CACTIN: variants seen among roughly 807,000 people sequenced by gnomAD.
CACTIN encodes the protein splicing factor Cactin.
A neutral mutation model predicts 84.9 loss-of-function variants in CACTIN; 20 were observed. That is an observed-to-expected ratio of 0.24 (90% CI 0.17 to 0.34). The LOEUF is 0.34. Among genes scored for constraint, CACTIN ranks in the 10% least tolerant of loss-of-function variants. The pLI, the probability that CACTIN is intolerant of heterozygous loss-of-function variation, is 1.00. For missense variants in CACTIN, 897 were observed against 1,117.2 expected (o/e 0.80, Z 2.81); for synonymous variants, 549 against 467.9 (o/e 1.17, Z -2.24).
chr19:3,620,514 G>A, intron 3 of CACTIN, 193 bp downstream of exon 3: 1 of 663,148 alleles, frequency 1.5e-6, no homozygotes. Flanking sequence ...GGGAGTGAAG[G>A]CCCGAGGCCA....
intron 2 of CACTIN, among the ~76,000 whole-genome samples, chr19:3,622,371 A>G (rs1007931740): frequency 3.3e-5 from 5 of 151,380 alleles, no homozygotes; most frequent in Non-Finnish European, 5.9e-5. Flanking sequence ...CTCAAAAAAA[A>G]AAAAAAAAAA....
Position 3,611,616 on chromosome 19 carries a change from C to T in CACTIN, c.*307G>A, listed in dbSNP as rs1161613826. 5.2e-5 allele frequency: 22 copies of T among 425,838 alleles called. No individual in the cohort carries two copies. Among genetic ancestry groups the T allele is most frequent in the Middle Eastern group, 5.0e-4 (1 of 2,000 alleles). 26.4% of individuals were successfully genotyped at this position (425,838 alleles called of 1,614,324 possible). ...GGGCGGTGGAGAGTGTCCGCCTGGA[C>T]GGTGAGGTCAGCTGGCGGCTGCTGG... On this transcript the variant is annotated 3_prime_UTR_variant, in exon 10 of 10. Coordinates refer to ENST00000429344, the MANE Select transcript of CACTIN (RefSeq NM_001080543.2).
intron 7 of CACTIN, chr19:3,614,024 G>A (rs1021381775): frequency 2.6e-5 from 12 of 461,348 alleles, no homozygotes; most frequent in Admixed American, 6.9e-5. Context: ...CTGGGAGGGC[G>A]CAGGCCTGGG....
rs1337517192 is a variant in CACTIN at position 3,611,784 on chromosome 19, C to A, written c.*139G>T. The A allele has an allele frequency of 1.8e-6, 2 of 1,124,932 alleles. No homozygotes were observed. The highest frequency in any genetic ancestry group is 3.1e-5 in the African/African-American group (2 of 65,138). 69.7% of individuals were successfully genotyped at this position (1,124,932 alleles called of 1,614,324 possible). On this transcript the variant is annotated 3_prime_UTR_variant, in exon 10 of 10. Transcript: ENST00000429344. ...TATATAGGAGGAAACTGAGGCCTGG[C>A]GAAAGAAAGATGCGGCCTGAGGTGG...
intron 6 of CACTIN, chr19:3,614,970 G>A: frequency 2.9e-6 from 1 of 350,598 alleles, no homozygotes; most frequent in Non-Finnish European, 5.5e-6. Context: ...CTGGCCTTGG[G>A]CAGTCCATGA....
intron 2 of CACTIN, among the ~76,000 whole-genome samples, chr19:3,623,414 A>C (rs1469023295): frequency 1.3e-5 from 2 of 151,062 alleles, no homozygotes; most frequent in Non-Finnish European, 3.0e-5. Context: ...CTGTAGCCCC[A>C]GCTACTCAGG....
intron 2 of CACTIN, 99 bp from the exon 3 acceptor site, chr19:3,620,901 CAGAG>C: frequency 1.1e-6 from 1 of 927,900 alleles, no homozygotes; most frequent in African/African-American, 1.6e-5. Flanking sequence ...CCTTGTTTTG[CAGAG>C]AGAGGTGACC....
At chr19:3,620,506 G>C in intron 3 of CACTIN, 1 of 669,360 alleles carries the variant, frequency 1.5e-6, no homozygotes, top group Non-Finnish European at 2.6e-6. Flanking sequence ...GAGCATGTGG[G>C]AGTGAAGGCC....
chr19:3,620,502 G>T, intron 3 of CACTIN: 1 of 675,922 alleles, frequency 1.5e-6, no homozygotes, highest in Non-Finnish European at 2.6e-6. Flanking sequence ...AAGGGAGCAT[G>T]TGGGAGTGAA....
intron 7 of CACTIN, 178 bp from the exon 8 acceptor site, chr19:3,613,764 G>C (rs116923729): frequency 0.01 from 7,898 of 774,296 alleles, 49 homozygotes; most frequent in Non-Finnish European, 0.013. Flanking sequence ...TTATGGGAGA[G>C]AGGACGAGAG....
At position 3,626,721 on chromosome 19, in the gene CACTIN, G is replaced by T; in HGVS notation, c.42C>A (p.Arg14=). Residue 14 remains arginine, a synonymous_variant, in exon 1 of 10, where the codon CGC becomes CGA. Coordinates refer to ENST00000429344, the MANE Select transcript of CACTIN (RefSeq NM_001080543.2). ...TCTGACTCTGCCGCCTTCGGCCCCG[G>T]CGACCCGCGGACCGCGAGCGCGAGC... ...DTRSRSRSAG[R]RGRRRQSQSG... 6.7e-7 allele frequency: 1 copy of T among 1,495,964 alleles called. No homozygotes were observed. Among genetic ancestry groups the T allele is most frequent in the Non-Finnish European group, 8.9e-7 (1 of 1,129,198 alleles). The allele number at this position is 1,495,964 out of a possible 1,614,324, so 92.7% of individuals were successfully genotyped here.
Position 3,624,012 on chromosome 19 carries a change from T to C in CACTIN, c.318A>G (p.Ala106=), listed in dbSNP as rs2033282550. 1 of 1,605,642 alleles carries C rather than the reference T, an allele frequency of 6.2e-7. No homozygotes were observed. The highest frequency in any genetic ancestry group is 8.5e-7 in the Non-Finnish European group (1 of 1,179,498). ...RGQWARRRRR[A]RSWSPSSSAS... ...CTGAGGAGCTAGGAGACCACGAGCGTGCGCGCCGTCGCCGGCGAGCCCACT... is the reference window on the plus strand; with the variant it reads ...CTGAGGAGCTAGGAGACCACGAGCGCGCGCGCCGTCGCCGGCGAGCCCACT... The change falls in exon 2 of 10, where the codon GCA becomes GCG. Residue 106 remains alanine, a synonymous_variant. Coordinates refer to ENST00000429344, the MANE Select transcript of CACTIN (RefSeq NM_001080543.2).
chr19:3,620,370 G>C (rs1195836955), intron 3 of CACTIN, 98 bp from the exon 4 acceptor site: 38 of 1,344,122 alleles, frequency 2.8e-5, no homozygotes, highest in Middle Eastern at 1.9e-4. Flanking sequence ...TCACCCAGCT[G>C]CCCTGGGCAC....
rs1325454093 is a variant in CACTIN, at chr19:3,624,018, C to T, written c.312G>A (p.Arg104=). The T allele has an allele frequency of 3.1e-6, 5 of 1,605,516 alleles. No homozygotes were observed. Among genetic ancestry groups the T allele is most frequent in the Non-Finnish European group, 4.2e-6 (5 of 1,179,560 alleles). ...QSRGQWARRR[R]RARSWSPSSS... is the part of the protein sequence containing the mutation. Reference sequence around the variant, plus strand: ...AGCTAGGAGACCACGAGCGTGCGCGCCGTCGCCGGCGAGCCCACTGGCCCC... The same window carrying T: ...AGCTAGGAGACCACGAGCGTGCGCGTCGTCGCCGGCGAGCCCACTGGCCCC... Residue 104 remains arginine (R), a synonymous_variant, in exon 2 of 10, where the codon CGG becomes CGA. Coordinates refer to ENST00000429344, the MANE Select transcript of CACTIN (RefSeq NM_001080543.2).
rs184595900 is a variant in CACTIN, at chr19:3,619,334, C to T, written c.885-92G>A. Reference sequence around the variant, plus strand: ...TTGGGGTGACCACACCAGTGGGAGCCGAGGAGGGGCCTGACCCGTTGGGGG... The same window carrying T: ...TTGGGGTGACCACACCAGTGGGAGCTGAGGAGGGGCCTGACCCGTTGGGGG... On this transcript the variant is annotated intron_variant, in intron 4 of 9. Coordinates refer to ENST00000429344, the MANE Select transcript of CACTIN (RefSeq NM_001080543.2). The T allele has an allele frequency of 7.8e-4, 1,130 of 1,453,128 alleles. 11 individuals are homozygous for T. The African/African-American group carries it at 0.014, about 18-fold the overall frequency. The allele number at this position is 1,453,128 out of a possible 1,614,324, so 90.0% of individuals were successfully genotyped here. A position where few individuals can be genotyped will look rare whatever the true frequency, so the allele number is the denominator to read the frequency against.
intron 2 of CACTIN, among the ~76,000 whole-genome samples, chr19:3,623,399 G>T (rs1337353404): frequency 1.3e-5 from 2 of 151,430 alleles, no homozygotes; most frequent in Non-Finnish European, 2.9e-5. Flanking sequence ...CGTGGTAGCG[G>T]GCGCCTGTAG....
chr19:3,614,215 C>G (rs570120585), intron 7 of CACTIN, among the ~76,000 whole-genome samples, 182 bp downstream of exon 7: 1 of 141,844 alleles, frequency 7.1e-6, no homozygotes, highest in African/African-American at 2.9e-5. Context: ...CACGGGACTA[C>G]GCGCCCCCCG....
At chr19:3,623,321 A>G (rs2033263628) in intron 2 of CACTIN, among the ~76,000 whole-genome samples, 1 of 151,860 alleles carries the variant, frequency 6.6e-6, no homozygotes. Flanking sequence ...CAAGGTCAGG[A>G]GATCGAGACC....
chr19:3,619,417 G>A lies in CACTIN; in HGVS notation c.885-175C>T, dbSNP rs77831925. On this transcript the variant is annotated intron_variant, in intron 4 of 9. Coordinates refer to ENST00000429344, the MANE Select transcript of CACTIN (RefSeq NM_001080543.2). ...GAGGAGGCATAAGGTAGAGTGAGCC[G>A]GGTCAGCCAAAGGGCGCAGGCCAGC... is the stretch of plus-strand genomic sequence containing the variant. 5.3e-4 allele frequency among the ~76,000 whole-genome samples: 81 copies of A among 152,332 alleles called. 1 individual carries two copies. The East Asian group carries it at 0.012, about 23-fold the overall frequency.
Sources: gnomAD v4.1 joint callset for allele counts (sites outside exome capture counted in the v4.1 genomes callset) on GRCh38, gnomAD v4.1.1 for gene constraint, MANE v1.5 for transcripts, NCBI Gene and HGNC (gene_info 2026-07-23, HGNC 2026-07-21) for gene names.